The following DIP2C variants were observed in gnomAD, a reference collection of about 807,000 sequenced individuals.
DIP2C encodes the protein disco-interacting protein 2 homolog C.
A neutral mutation model predicts 192.4 loss-of-function variants in DIP2C; 33 were observed. That is an observed-to-expected ratio of 0.17 (90% CI 0.13 to 0.23). The LOEUF is 0.23. Ranked by LOEUF, DIP2C falls within the 10% of genes least tolerant of loss-of-function variation. DIP2C has a pLI of 1.00. For synonymous variants in DIP2C, 979 were observed against 864.1 expected (o/e 1.13, Z -2.33); for missense variants, 1,537 against 2,110.1 (o/e 0.73, Z 5.32).
At chr10:486,368 A>T in intron 2 of DIP2C, 91 bp downstream of exon 2, 1 of 1,273,222 alleles carries the variant, frequency 7.9e-7, no homozygotes, top group Admixed American at 2.6e-5. Context: ...GCCGACTGGG[A>T]AGCAAGGGAG....
rs544234038 is a variant in DIP2C at position 463,852 on chromosome 10, C to T, written c.268+8587G>A. 2.6e-5 allele frequency among the ~76,000 whole-genome samples: 4 copies of T among 152,208 alleles called. No individual in the cohort carries two copies. In the South Asian group the frequency reaches 8.3e-4, roughly 32 times the overall value. On this transcript the variant is annotated intron_variant, in intron 3 of 36. Coordinates refer to ENST00000280886, the MANE Select transcript of DIP2C (RefSeq NM_014974.3). ...GAAAAGAACACCACACATCTACAAC[C>T]ATCTGATCTTTGACAAACCTGACAA...
chr10:506,948 G>A (rs1407797124), intron 1 of DIP2C, among the ~76,000 whole-genome samples: 1 of 151,926 alleles, frequency 6.6e-6, no homozygotes, highest in East Asian at 1.9e-4. Context: ...TGAGGGCATG[G>A]ACCCGGTCAA....
intron 1 of DIP2C, among the ~76,000 whole-genome samples, chr10:571,925 C>T (rs1380751543): frequency 2.0e-5 from 3 of 152,156 alleles, no homozygotes; most frequent in East Asian, 1.9e-4. Flanking sequence ...CCATCAACTG[C>T]GAATTATTTT....
At chr10:604,009 A>G (rs1390172550) in intron 1 of DIP2C, among the ~76,000 whole-genome samples, 1 of 98,610 alleles carries the variant, frequency 1.0e-5, no homozygotes, top group Non-Finnish European at 2.0e-5. Flanking sequence ...TCAGCCCCAC[A>G]ACACCACCCC....
chr10:431,452 T>A (rs1035119460), intron 4 of DIP2C, among the ~76,000 whole-genome samples: 15 of 152,172 alleles, frequency 9.9e-5, no homozygotes, highest in African/African-American at 2.2e-4. Context: ...AATTTTTTTT[T>A]AAATTATTAT....
intron 1 of DIP2C, among the ~76,000 whole-genome samples, chr10:593,320 A>C (rs1851510018): frequency 6.6e-6 from 1 of 152,090 alleles, no homozygotes; most frequent in Non-Finnish European, 1.5e-5. Flanking sequence ...TGTAACCCTA[A>C]GTCCACGTTT....
At chr10:472,344 C>G (rs1564753420) in intron 3 of DIP2C, 95 bp downstream of exon 3, 5 of 1,163,882 alleles carry the variant, frequency 4.3e-6, no homozygotes, top group Admixed American at 1.9e-5. Context: ...AGGTCCACGC[C>G]CACTGCACTT....
In DIP2C at chr10:349,419, C is replaced by T. The variant is rs1202753206; in HGVS notation, c.3021G>A (p.Leu1007=). The change falls in exon 25 of 37, where the codon CTG becomes CTA. Residue 1007 remains leucine (L), a synonymous_variant. Coordinates refer to ENST00000280886, the MANE Select transcript of DIP2C (RefSeq NM_014974.3). ...CGGCGATCTTCTCAGCTCTCTTGTG[C>T]AGCTGCACGCAGGTCAGCGAGTTCG... ...AIANSLTCVQ[L]HKRAEKIAVM... is the part of the protein sequence containing the mutation. 1.2e-6 allele frequency: 2 copies of T among 1,609,850 alleles called. No individual in the cohort carries two copies. Among genetic ancestry groups the T allele is most frequent in the Non-Finnish European group, 1.7e-6 (2 of 1,179,112 alleles).
At chr10:378,424 C>T (rs1961901619) in intron 17 of DIP2C, among the ~76,000 whole-genome samples, 2 of 152,290 alleles carry the variant, frequency 1.3e-5, no homozygotes, top group South Asian at 2.1e-4. Flanking sequence ...GGCATGCATG[C>T]ATGAACAGGC....
intron 5 of DIP2C, among the ~76,000 whole-genome samples, chr10:419,725 G>C (rs1203756229): frequency 3.9e-5 from 6 of 152,176 alleles, no homozygotes; most frequent in African/African-American, 1.4e-4. Flanking sequence ...CAGTTCATAG[G>C]ATCTTCTTCA....
At chr10:501,413 T>C (rs1231737958) in intron 1 of DIP2C, among the ~76,000 whole-genome samples, 2 of 152,138 alleles carry the variant, frequency 1.3e-5, no homozygotes, top group African/African-American at 4.8e-5. Flanking sequence ...GATCTCTGCT[T>C]TGCAATACCA....
chr10:591,219 G>A (rs145416746), intron 1 of DIP2C, among the ~76,000 whole-genome samples: 30 of 151,982 alleles, frequency 2.0e-4, no homozygotes, highest in Non-Finnish European at 4.0e-4. Flanking sequence ...GCACCTTCCC[G>A]GTACAAGTGT....
At chr10:484,738 T>G (rs1375750661) in intron 2 of DIP2C, 1 of 1,595,810 alleles carries the variant, frequency 6.3e-7, no homozygotes, top group Non-Finnish European at 8.5e-7. Context: ...TTTTCTAATG[T>G]GTACCCTGCT....
At chr10:366,237 C>T (rs1194758326) in intron 19 of DIP2C, 38 bp downstream of exon 19, 1 of 1,606,392 alleles carries the variant, frequency 6.2e-7, no homozygotes, top group Non-Finnish European at 8.5e-7. Flanking sequence ...GAGACGGAGC[C>T]ACAGATGGTG....
At chr10:580,310 C>T (rs931586666) in intron 1 of DIP2C, among the ~76,000 whole-genome samples, 4 of 152,044 alleles carry the variant, frequency 2.6e-5, no homozygotes, top group African/African-American at 9.7e-5. Context: ...CATTAGTGTG[C>T]ACATATCCAC....
intron 9 of DIP2C, among the ~76,000 whole-genome samples, chr10:407,566 A>C (rs1964894802): frequency 6.6e-6 from 1 of 151,760 alleles, no homozygotes; most frequent in Non-Finnish European, 1.5e-5. Context: ...AAGGGTTCCG[A>C]CTTCCCCACA....
chr10:684,082 C>T (rs1020948860), intron 1 of DIP2C, among the ~76,000 whole-genome samples: 3 of 152,370 alleles, frequency 2.0e-5, no homozygotes, highest in Admixed American at 6.5e-5. Context: ...GCTTTCCTAG[C>T]TTCCTGGCTA....
intron 1 of DIP2C, among the ~76,000 whole-genome samples, chr10:494,058 C>A (rs959815096): frequency 6.3e-4 from 96 of 152,340 alleles, no homozygotes; most frequent in African/African-American, 2.0e-3. Flanking sequence ...AAAAGTCACG[C>A]TGGACCACCC....
chr10:352,661 G>A (rs1326909201), intron 24 of DIP2C, among the ~76,000 whole-genome samples: 2 of 152,178 alleles, frequency 1.3e-5, no homozygotes, highest in Admixed American at 6.5e-5. Flanking sequence ...TGGAAAGGAC[G>A]AGGTGAGTGA....
Sources: gnomAD v4.1 joint callset for allele counts (sites outside exome capture counted in the v4.1 genomes callset) on GRCh38, gnomAD v4.1.1 for gene constraint, MANE v1.5 for transcripts, NCBI Gene and HGNC (gene_info 2026-07-23, HGNC 2026-07-21) for gene names.